ATP6V0E1: variants seen among roughly 807,000 people sequenced by gnomAD.
ATP6V0E1 encodes the protein ATPase H+ transporting V0 subunit e1, also known as V-type proton ATPase subunit e 1.
ATP6V0E1 carries 4 observed loss-of-function variants against 11.6 expected under a neutral mutation model. The observed-to-expected ratio is 0.35, with a 90% CI of 0.17 to 0.79. The LOEUF (loss-of-function observed/expected upper bound fraction) is 0.79, where lower values mean the gene tolerates loss of function less well. Among genes scored for constraint, ATP6V0E1 ranks in the 30% least tolerant of loss-of-function variants. The pLI is 0.54. For missense variants in ATP6V0E1, 105 were observed against 100.0 expected, an observed-to-expected ratio of 1.05 and a Z score of -0.21; for synonymous variants, 36 against 34.8, an observed-to-expected ratio of 1.04 and a Z score of -0.13.
intron 1 of ATP6V0E1, among the ~76,000 whole-genome samples, chr5:172,991,711 C>T (rs1755979786): frequency 1.3e-5 from 2 of 152,130 alleles, no homozygotes; most frequent in Non-Finnish European, 2.9e-5. Flanking sequence ...CACAATCCCC[C>T]ATACATATTT....
At position 172,983,982 on chromosome 5, in the gene ATP6V0E1, G is replaced by C. The variant is rs373351940; in HGVS notation, c.104+18G>C. ...AACCGGGGGTAAGTGCGTGAGGCCCGCCTTGGGAGGAACGGGCGGTGAGGA... is the reference window on the plus strand; with the variant it reads ...AACCGGGGGTAAGTGCGTGAGGCCCCCCTTGGGAGGAACGGGCGGTGAGGA... On this transcript the variant is annotated intron_variant, in intron 1 of 3. Coordinates refer to ENST00000519374, the MANE Select transcript of ATP6V0E1 (RefSeq NM_003945.4). 87 of 1,608,216 alleles carry C rather than the reference G, an allele frequency of 5.4e-5. No homozygotes were observed. The highest frequency in any genetic ancestry group is 7.2e-5 in the Non-Finnish European group (85 of 1,176,334).
intron 2 of ATP6V0E1, among the ~76,000 whole-genome samples, chr5:173,010,832 C>A (rs1169342133): frequency 6.6e-6 from 1 of 152,132 alleles, no homozygotes; most frequent in Non-Finnish European, 1.5e-5. Context: ...GTAACCTGTG[C>A]CTTTGTTCCC....
chr5:173,034,046 G>C (rs895894901), intron 3 of ATP6V0E1, among the ~76,000 whole-genome samples: 3 of 152,168 alleles, frequency 2.0e-5, no homozygotes, highest in African/African-American at 4.8e-5. Flanking sequence ...CATGCCTGCG[G>C]AACCTCCCCT....
intron 3 of ATP6V0E1, among the ~76,000 whole-genome samples, chr5:173,032,500 A>G (rs1756680437): frequency 6.6e-6 from 1 of 151,924 alleles, no homozygotes; most frequent in African/African-American, 2.4e-5. Flanking sequence ...CATGCTGGCC[A>G]GGCTGATCTC....
intron 2 of ATP6V0E1, among the ~76,000 whole-genome samples, chr5:173,013,919 C>G (rs1756366944): frequency 6.6e-6 from 1 of 152,004 alleles, no homozygotes; most frequent in South Asian, 2.1e-4. Context: ...TTTGGGAAGC[C>G]AAGGCAGGTG....
In ATP6V0E1 at chr5:173,016,278, G is replaced by C. The variant is rs1185046617; in HGVS notation, c.153-3960G>C. Among the ~76,000 whole-genome samples, 10 of 152,312 alleles carry C rather than the reference G, an allele frequency of 6.6e-5. No homozygotes were observed. The East Asian group carries it at 1.9e-3, about 29-fold the overall frequency. ...AGATAATGTCAGGATTGAATTGGAG[G>C]ACACCCAGCTGGAGTCCGCTGCAGA... On this transcript the variant is annotated intron_variant, in intron 2 of 3. Transcript: ENST00000519374.
chr5:172,999,793 C>G (rs754523064), intron 2 of ATP6V0E1, among the ~76,000 whole-genome samples: 4 of 152,146 alleles, frequency 2.6e-5, no homozygotes, highest in Non-Finnish European at 4.4e-5. Flanking sequence ...ACACAGTGTT[C>G]CAACATTAAA....
chr5:173,012,302 G>T lies in ATP6V0E1; in HGVS notation c.153-7936G>T, dbSNP rs373632483. On this transcript the variant is annotated intron_variant, in intron 2 of 3. Transcript: ENST00000519374. ...CCGCCTTGGCCTCTGGAGTTTTCTTGAACTGTGGTTTCTTGTTTTTTTTTT... is the reference window on the plus strand; with the variant it reads ...CCGCCTTGGCCTCTGGAGTTTTCTTTAACTGTGGTTTCTTGTTTTTTTTTT... Among the ~76,000 whole-genome samples, 3 of 151,392 alleles carry T rather than the reference G, an allele frequency of 2.0e-5. No individual in the cohort carries two copies. The East Asian group carries it at 5.8e-4, about 29-fold the overall frequency.
chr5:172,990,260 A>G (rs73803690), intron 1 of ATP6V0E1, among the ~76,000 whole-genome samples: 3,260 of 152,162 alleles, frequency 0.021, 121 homozygotes, highest in African/African-American at 0.073. Flanking sequence ...TTTGCAACTG[A>G]AAAGGGCCAG....
intron 2 of ATP6V0E1, among the ~76,000 whole-genome samples, chr5:173,000,416 C>T (rs1239267160): frequency 6.6e-6 from 1 of 152,154 alleles, no homozygotes; most frequent in Non-Finnish European, 1.5e-5. Flanking sequence ...GTTGTTTACT[C>T]AGAGTCACCA....
chr5:172,984,103 G>C, intron 1 of ATP6V0E1, 139 bp downstream of exon 1: 1 of 785,308 alleles, frequency 1.3e-6, no homozygotes, highest in East Asian at 2.5e-5. Flanking sequence ...CCCCCGACCC[G>C]GCGGAACTCC....
At chr5:172,984,019 G>C in intron 1 of ATP6V0E1, 55 bp downstream of exon 1, 1 of 1,559,340 alleles carries the variant, frequency 6.4e-7, no homozygotes, top group Non-Finnish European at 8.8e-7. Flanking sequence ...CTAGCAGGCC[G>C]GGGCGGGGAA....
At chr5:173,001,006 G>A (rs962540514) in intron 2 of ATP6V0E1, among the ~76,000 whole-genome samples, 3 of 152,124 alleles carry the variant, frequency 2.0e-5, no homozygotes, top group African/African-American at 7.2e-5. Context: ...TGGCCAATCA[G>A]TGATCTTTAA....
At position 173,033,836 on chromosome 5, in the gene ATP6V0E1, C is replaced by T. The variant is rs188022241; in HGVS notation, c.*37-563C>T. ...TCCAGCCTGGATGGCAGAGCAAGAC[C>T]CTGTGTCCGAAAAAAACAAAAATAA... is the stretch of plus-strand genomic sequence containing the variant. On this transcript the variant is annotated intron_variant, in intron 3 of 3. Transcript: ENST00000519374. 1.2e-3 allele frequency among the ~76,000 whole-genome samples: 181 copies of T among 152,060 alleles called. No individual in the cohort carries two copies. The Middle Eastern group carries it at 0.02, about 17-fold the overall frequency.
chr5:173,014,743 G>A (rs1195381493), intron 2 of ATP6V0E1, among the ~76,000 whole-genome samples: 4 of 149,244 alleles, frequency 2.7e-5, no homozygotes, highest in Non-Finnish European at 4.4e-5. Context: ...TGGGAATAAA[G>A]AGTAGCACAA....
intron 1 of ATP6V0E1, among the ~76,000 whole-genome samples, chr5:172,990,360 A>G (rs1231109979): frequency 6.6e-6 from 1 of 152,198 alleles, no homozygotes; most frequent in African/African-American, 2.4e-5. Context: ...AAAGGAATCC[A>G]TAGATTCTCT....
chr5:173,024,527 C>T (rs190974442), intron 3 of ATP6V0E1, among the ~76,000 whole-genome samples: 77 of 151,952 alleles, frequency 5.1e-4, no homozygotes, highest in Non-Finnish European at 1.6e-4. Context: ...ATTTTCTGTC[C>T]GAGACTTAGA....
At chr5:173,004,668 TAAG>T (rs1290442388) in intron 2 of ATP6V0E1, among the ~76,000 whole-genome samples, 1 of 152,180 alleles carries the variant, frequency 6.6e-6, no homozygotes, top group Non-Finnish European at 1.5e-5. Context: ...AAAATTGAGA[TAAG>T]GAAAGATATG....
In ATP6V0E1 at chr5:173,023,751, G is replaced by T. The variant is rs568192279; in HGVS notation, c.*36+3384G>T. Among the ~76,000 whole-genome samples the T allele has an allele frequency of 2.6e-3, 391 of 152,126 alleles. 1 individual carries two copies. Among genetic ancestry groups the T allele is most frequent in the African/African-American group, 9.1e-3 (377 of 41,500 alleles). On this transcript the variant is annotated intron_variant, in intron 3 of 3. Coordinates refer to ENST00000519374, the MANE Select transcript of ATP6V0E1 (RefSeq NM_003945.4). ...TTCCAGCTATTCAGGAGGTTGAGGTGGGAGGAGAACTTGAGCCTGGGAGGT... is the reference window on the plus strand; with the variant it reads ...TTCCAGCTATTCAGGAGGTTGAGGTTGGAGGAGAACTTGAGCCTGGGAGGT...
Sources: gnomAD v4.1 joint callset for allele counts (sites outside exome capture counted in the v4.1 genomes callset) on GRCh38, gnomAD v4.1.1 for gene constraint, MANE v1.5 for transcripts, NCBI Gene and HGNC (gene_info 2026-07-23, HGNC 2026-07-21) for gene names.